RGS7: variants seen among roughly 807,000 people sequenced by gnomAD.
RGS7 encodes regulator of G protein signaling 7.
Under a neutral mutation model 81.1 loss-of-function variants are expected in RGS7, and 27 were observed. The observed-to-expected ratio is 0.33, with a 90% CI of 0.25 to 0.46. The LOEUF (loss-of-function observed/expected upper bound fraction) is 0.46, where lower values mean the gene tolerates loss of function less well. Among genes scored for constraint, RGS7 ranks in the 20% least tolerant of loss-of-function variants. RGS7 has a pLI of 1.00. For synonymous variants in RGS7, 208 were observed against 207.7 expected (o/e 1.00, Z -0.01); for missense variants, 396 against 607.4 (o/e 0.65, Z 3.66).
Position 240,938,660 on chromosome 1 carries a change from GATA to G in RGS7, c.227-1957_227-1955del, listed in dbSNP as rs1454159726. ...GATCTCTCCCTGCATTGTTCTTGCCGATAATAAAGAACAACTGCCAATTATTCT... is the reference window on the plus strand; with the variant it reads ...GATCTCTCCCTGCATTGTTCTTGCCGATAAAGAACAACTGCCAATTATTCT... On this transcript the variant is annotated intron_variant, in intron 4 of 18. Coordinates refer to ENST00000440928, the MANE Select transcript of RGS7 (RefSeq NM_001364886.1). Among the ~76,000 whole-genome samples, 6 of 152,032 alleles carry G rather than the reference GATA, an allele frequency of 3.9e-5. No individual in the cohort carries two copies. In the East Asian group the frequency reaches 1.2e-3, roughly 29 times the overall value.
chr1:240,931,893 G>A (rs990896164), intron 5 of RGS7, among the ~76,000 whole-genome samples: 1 of 152,116 alleles, frequency 6.6e-6, no homozygotes, highest in Non-Finnish European at 1.5e-5. Context: ...TCCTGACCAC[G>A]AAGAAACCTG....
At chr1:241,341,783 G>A (rs950842207) in intron 2 of RGS7, among the ~76,000 whole-genome samples, 2 of 151,318 alleles carry the variant, frequency 1.3e-5, no homozygotes, top group Non-Finnish European at 2.9e-5. Context: ...CCTTGAAGAG[G>A]TTTAGTAACT....
chr1:240,944,282 G>GTGTATATATATATA (rs1352421845), intron 4 of RGS7, among the ~76,000 whole-genome samples: 2 of 55,820 alleles, frequency 3.6e-5, no homozygotes, highest in Non-Finnish European at 6.2e-5. Flanking sequence ...GTGTGTGTGT[G>GTGTATATATATATA]TATATATATA....
chr1:241,336,201 T>A (rs1209575940), intron 2 of RGS7, among the ~76,000 whole-genome samples: 1 of 152,192 alleles, frequency 6.6e-6, no homozygotes, highest in Non-Finnish European at 1.5e-5. Flanking sequence ...TAGAGCCACA[T>A]GTCCCAGTAG....
At chr1:241,261,077 A>T (rs1038779691) in intron 2 of RGS7, among the ~76,000 whole-genome samples, 8 of 151,642 alleles carry the variant, frequency 5.3e-5, no homozygotes, top group Admixed American at 1.3e-4. Flanking sequence ...TATAATAATT[A>T]AAAAAAAATT....
At chr1:241,194,064 T>A (rs975106288) in intron 2 of RGS7, among the ~76,000 whole-genome samples, 2 of 152,236 alleles carry the variant, frequency 1.3e-5, no homozygotes, top group African/African-American at 4.8e-5. Context: ...TGGATGAACA[T>A]AAGCACTGTC....
chr1:240,821,936 A>T lies in RGS7; in HGVS notation c.684+5162T>A, dbSNP rs74349479. On this transcript the variant is annotated intron_variant, in intron 10 of 18. Transcript: ENST00000440928. ...CTTATCATTTCCCTCAGGTTTTGTG[A>T]CCTAGGACCCCTCTAGCTATTGTCC... Among the ~76,000 whole-genome samples the T allele has an allele frequency of 1.1e-3, 162 of 152,234 alleles. 1 individual carries two copies. The highest frequency in any genetic ancestry group is 3.7e-3 in the African/African-American group (152 of 41,514).
At chr1:241,179,164 G>A (rs911991859) in intron 2 of RGS7, among the ~76,000 whole-genome samples, 9 of 152,242 alleles carry the variant, frequency 5.9e-5, no homozygotes, top group African/African-American at 1.4e-4. Flanking sequence ...GCACAATATC[G>A]ACTACCTACA....
At chr1:241,300,722 ACT>A (rs1558290550) in intron 2 of RGS7, among the ~76,000 whole-genome samples, 1 of 152,236 alleles carries the variant, frequency 6.6e-6, no homozygotes, top group African/African-American at 2.4e-5. Context: ...TGCTATAAAC[ACT>A]TGTGCACAGG....
At chr1:241,343,629 A>G (rs1465409268) in intron 2 of RGS7, among the ~76,000 whole-genome samples, 1 of 152,254 alleles carries the variant, frequency 6.6e-6, no homozygotes, top group Non-Finnish European at 1.5e-5. Flanking sequence ...GTTTCTGCTT[A>G]TATGAGGTAC....
intron 2 of RGS7, among the ~76,000 whole-genome samples, chr1:241,346,254 G>C (rs999328374): frequency 6.6e-6 from 1 of 151,816 alleles, no homozygotes; most frequent in Non-Finnish European, 1.5e-5. Context: ...CCTCTTTCAT[G>C]GTATTAATCA....
intron 2 of RGS7, among the ~76,000 whole-genome samples, chr1:241,352,480 T>G (rs1175580988): frequency 6.6e-6 from 1 of 152,238 alleles, no homozygotes; most frequent in East Asian, 1.9e-4. Flanking sequence ...GAAGAACTGA[T>G]AAGGCAAATA....
rs1425876193 is a variant in RGS7 at position 241,322,244 on chromosome 1, CTG to C, written c.78+33453_78+33454del. Among the ~76,000 whole-genome samples, 7 of 152,350 alleles carry C rather than the reference CTG, an allele frequency of 4.6e-5. No homozygotes were observed. The East Asian group carries it at 1.3e-3, about 29-fold the overall frequency. ...TCACCTTGCTCACCTTTATAAGTAA[CTG>C]TTGTTAGCACATACTAGGTGTACAA... On this transcript the variant is annotated intron_variant, in intron 2 of 18. Coordinates refer to ENST00000440928, the MANE Select transcript of RGS7 (RefSeq NM_001364886.1).
At chr1:241,313,981 A>G (rs533352828) in intron 2 of RGS7, among the ~76,000 whole-genome samples, 1 of 152,214 alleles carries the variant, frequency 6.6e-6, no homozygotes, top group Non-Finnish European at 1.5e-5. Flanking sequence ...TAATCTCATG[A>G]AAAAACTTGA....
intron 2 of RGS7, among the ~76,000 whole-genome samples, chr1:241,112,407 G>T (rs1210438490): frequency 2.0e-5 from 3 of 152,064 alleles, no homozygotes; most frequent in African/African-American, 7.2e-5. Flanking sequence ...CTTAGTCCAT[G>T]AAACAATACC....
At chr1:241,217,771 C>T (rs967633046) in intron 2 of RGS7, among the ~76,000 whole-genome samples, 7 of 152,192 alleles carry the variant, frequency 4.6e-5, no homozygotes, top group Non-Finnish European at 1.0e-4. Context: ...TTCTCTCAAA[C>T]CAGAGCCAGT....
rs1311772064 is a variant in RGS7 at position 241,309,296 on chromosome 1, G to A, written c.78+46403C>T. 1.0e-4 allele frequency among the ~76,000 whole-genome samples: 14 copies of A among 138,810 alleles called. No individual in the cohort carries two copies. The Admixed American group carries it at 1.2e-3, about 11-fold the overall frequency. 91.1% of individuals were successfully genotyped at this position (138,810 alleles called of 152,430 possible). A position where few individuals can be genotyped will look rare whatever the true frequency, so the allele number is the denominator to read the frequency against. ...AGCTACCCGGGAGGCTGAGGCATGA[G>A]AATTGCTTGAACCCGGGAGGCAGAG... On this transcript the variant is annotated intron_variant, in intron 2 of 18. Coordinates refer to ENST00000440928, the MANE Select transcript of RGS7 (RefSeq NM_001364886.1).
intron 2 of RGS7, among the ~76,000 whole-genome samples, chr1:241,296,517 GT>G (rs2079436330): frequency 1.3e-5 from 2 of 152,226 alleles, no homozygotes; most frequent in Admixed American, 1.3e-4. Flanking sequence ...ACACTTTCCT[GT>G]GGGAACTACC....
chr1:240,786,472 G>T (rs183442999), intron 18 of RGS7, among the ~76,000 whole-genome samples: 11 of 152,136 alleles, frequency 7.2e-5, no homozygotes, highest in Non-Finnish European at 1.3e-4. Flanking sequence ...CCAACATTTA[G>T]AAAAAAATTA....
Sources: gnomAD v4.1 joint callset for allele counts (sites outside exome capture counted in the v4.1 genomes callset) on GRCh38, gnomAD v4.1.1 for gene constraint, MANE v1.5 for transcripts, NCBI Gene and HGNC (gene_info 2026-07-23, HGNC 2026-07-21) for gene names.